Variants in GRM1 observed in about 807,000 individuals in gnomAD.
GRM1 encodes metabotropic glutamate receptor 1.
Under a neutral mutation model 90.9 loss-of-function variants are expected in GRM1, and 33 were observed. The ratio of observed to expected loss-of-function variants is 0.36; its 90% CI spans 0.28 to 0.49. GRM1 has a LOEUF of 0.49. Among genes scored for constraint, GRM1 ranks in the 20% least tolerant of loss-of-function variants. GRM1 has a pLI of 0.99. For missense variants in GRM1, 1,190 were observed against 1,534.3 expected (o/e 0.78, Z 3.75); for synonymous variants, 700 against 613.2 (o/e 1.14, Z -2.09).
At chr6:146,285,527 A>T (rs1268426659) in intron 2 of GRM1, among the ~76,000 whole-genome samples, 1 of 152,182 alleles carries the variant, frequency 6.6e-6, no homozygotes, top group East Asian at 1.9e-4. Context: ...TATTAACATG[A>T]ATTAGATCTC....
Position 146,057,874 on chromosome 6 carries a change from TTTTTTA to T in GRM1, c.700+27662_700+27667del, listed in dbSNP as rs1339512880. 2.6e-4 allele frequency among the ~76,000 whole-genome samples: 39 copies of T among 152,146 alleles called. No individual in the cohort carries two copies. In the East Asian group the frequency reaches 6.6e-3, roughly 26 times the overall value. ...TGACTTTTTAATTTTTTTTAAGAAA[TTTTTTA>T]TTTTCATTGGGTTTTGGTGAACAAG... is the stretch of plus-strand genomic sequence containing the variant. On this transcript the variant is annotated intron_variant, in intron 1 of 7. Transcript: ENST00000282753.
chr6:146,263,802 T>C (rs1314357979), intron 2 of GRM1, among the ~76,000 whole-genome samples: 1 of 152,092 alleles, frequency 6.6e-6, no homozygotes, highest in African/African-American at 2.4e-5. Context: ...ATTTCATTTA[T>C]AGTTGGATCT....
Position 146,029,676 on chromosome 6 carries a change from C to T in GRM1, c.159C>T (p.Val53=), listed in dbSNP as rs1361543864. The T allele has an allele frequency of 1.2e-6, 2 of 1,614,156 alleles. No individual in the cohort carries two copies. Among genetic ancestry groups the T allele is most frequent in the Admixed American group, 3.3e-5 (2 of 60,028 alleles). The part of the protein sequence containing the change: ...GDVIIGALFS[V]HHQPPAEKVP... The stretch of plus-strand genomic sequence containing the variant: ...TCATCATTGGAGCCCTCTTCTCAGT[C>T]CATCACCAGCCTCCGGCCGAGAAAG... Residue 53 remains valine (V), a synonymous_variant, in exon 1 of 8, where the codon GTC becomes GTT. Transcript: ENST00000282753.
intron 6 of GRM1, among the ~76,000 whole-genome samples, chr6:146,390,699 G>A (rs1776683156): frequency 6.6e-6 from 1 of 151,360 alleles, no homozygotes; most frequent in Non-Finnish European, 1.5e-5. Flanking sequence ...ATTTCATTCT[G>A]TAATAAACAC....
At chr6:146,432,717 C>T (rs1046160343) in intron 7 of GRM1, among the ~76,000 whole-genome samples, 8 of 152,222 alleles carry the variant, frequency 5.3e-5, no homozygotes, top group East Asian at 1.9e-4. Flanking sequence ...AGGATTCCAC[C>T]GTTGTTATTA....
intron 3 of GRM1, among the ~76,000 whole-genome samples, chr6:146,340,030 G>A (rs1340349222): frequency 1.3e-5 from 2 of 152,140 alleles, no homozygotes; most frequent in Non-Finnish European, 2.9e-5. Flanking sequence ...AGTTGCAGAC[G>A]TACCTGGTGA....
chr6:146,383,020 A>G (rs1056465342), intron 5 of GRM1, among the ~76,000 whole-genome samples: 2 of 152,134 alleles, frequency 1.3e-5, no homozygotes, highest in Non-Finnish European at 2.9e-5. Flanking sequence ...TTCAGTGTAA[A>G]TTAATAAAGT....
At chr6:146,152,325 CCTT>C (rs1777370302) in intron 1 of GRM1, among the ~76,000 whole-genome samples, 1 of 151,806 alleles carries the variant, frequency 6.6e-6, no homozygotes, top group Non-Finnish European at 1.5e-5. Flanking sequence ...GGCCCACTTT[CCTT>C]CTTACTTTTC....
At chr6:146,247,068 C>T (rs1439034137) in intron 2 of GRM1, among the ~76,000 whole-genome samples, 2 of 152,184 alleles carry the variant, frequency 1.3e-5, no homozygotes, top group African/African-American at 4.8e-5. Flanking sequence ...CATTCCTGCT[C>T]CCATGCAATA....
chr6:146,214,553 A>G (rs1035824418), intron 2 of GRM1, among the ~76,000 whole-genome samples: 3 of 152,186 alleles, frequency 2.0e-5, no homozygotes, highest in Admixed American at 2.0e-4. Context: ...AGACCCAAAA[A>G]GGATATGATA....
chr6:146,244,876 C>T (rs1301229512), intron 2 of GRM1, among the ~76,000 whole-genome samples: 1 of 152,182 alleles, frequency 6.6e-6, no homozygotes, highest in Non-Finnish European at 1.5e-5. Flanking sequence ...TGTACTGTGG[C>T]CATCAGCAAA....
chr6:146,313,532 A>C (rs1238259715), intron 3 of GRM1, among the ~76,000 whole-genome samples: 1 of 152,332 alleles, frequency 6.6e-6, no homozygotes, highest in East Asian at 1.9e-4. Flanking sequence ...CATCAGGAGA[A>C]TAGTTTTGTA....
At chr6:146,383,126 A>G (rs933617783) in intron 5 of GRM1, among the ~76,000 whole-genome samples, 1 of 152,220 alleles carries the variant, frequency 6.6e-6, no homozygotes, top group African/African-American at 2.4e-5. Flanking sequence ...CACTTCGTGC[A>G]TAAAGAAAGA....
At chr6:146,271,904 T>C (rs1363479854) in intron 2 of GRM1, among the ~76,000 whole-genome samples, 2 of 152,250 alleles carry the variant, frequency 1.3e-5, no homozygotes, top group Admixed American at 1.3e-4. Context: ...GGTAGTCTTA[T>C]GTTTTTCTAA....
intron 3 of GRM1, among the ~76,000 whole-genome samples, chr6:146,323,277 C>T (rs1367864899): frequency 6.6e-6 from 1 of 152,158 alleles, no homozygotes; most frequent in African/African-American, 2.4e-5. Flanking sequence ...TTAATGATTG[C>T]CATTCTAACT....
At chr6:146,400,167 AG>A (rs1364365533) in intron 7 of GRM1, among the ~76,000 whole-genome samples, 1 of 152,168 alleles carries the variant, frequency 6.6e-6, no homozygotes, top group Non-Finnish European at 1.5e-5. Context: ...CCGGGGTGAA[AG>A]GGAGGAAAAC....
chr6:146,053,069 C>T (rs939023088), intron 1 of GRM1, among the ~76,000 whole-genome samples: 5 of 152,076 alleles, frequency 3.3e-5, no homozygotes, highest in African/African-American at 9.7e-5. Flanking sequence ...ACATAGTTCT[C>T]AGCACCATTC....
At chr6:146,208,312 A>T (rs1463231262) in intron 2 of GRM1, among the ~76,000 whole-genome samples, 2 of 152,168 alleles carry the variant, frequency 1.3e-5, no homozygotes, top group African/African-American at 4.8e-5. Context: ...ACTTTTATTT[A>T]GAGTGAACAG....
At chr6:146,294,080 TTATTACATC>T (rs1317992760) in intron 2 of GRM1, among the ~76,000 whole-genome samples, 2 of 151,804 alleles carry the variant, frequency 1.3e-5, no homozygotes, top group African/African-American at 4.8e-5. Context: ...TTGATCATTT[TTATTACATC>T]TTTCCCCCAA....
Sources: allele counts gnomAD v4.1 joint callset (sites outside exome capture counted in the v4.1 genomes callset), GRCh38; gene constraint gnomAD v4.1.1; transcripts MANE v1.5; gene names NCBI Gene and HGNC (gene_info 2026-07-23, HGNC 2026-07-21).